The following ZBTB46 variants were observed in gnomAD, a reference collection of about 807,000 sequenced individuals.
ZBTB46 encodes the protein zinc finger and BTB domain-containing protein 46.
In ZBTB46, 8 loss-of-function variants were observed where a neutral mutation model predicts 44.1. That is an observed-to-expected ratio of 0.18 (90% CI 0.11 to 0.33). The LOEUF (loss-of-function observed/expected upper bound fraction) is 0.33. Among genes scored for constraint, ZBTB46 ranks in the 10% least tolerant of loss-of-function variants. The pLI is 1.00. For missense variants in ZBTB46, 651 were observed against 847.7 expected (o/e 0.77, Z 2.88); for synonymous variants, 409 against 382.3 (o/e 1.07, Z -0.81).
At chr20:63,802,319 A>C (rs574746305) in intron 1 of ZBTB46, among the ~76,000 whole-genome samples, 10 of 152,132 alleles carry the variant, frequency 6.6e-5, no homozygotes, top group African/African-American at 2.4e-4. Flanking sequence ...GCTACTCAGG[A>C]GGCTGAGGCA....
intron 2 of ZBTB46, 148 bp downstream of exon 2, chr20:63,789,673 C>T (rs1312281005): frequency 1.6e-5 from 21 of 1,339,246 alleles, no homozygotes; most frequent in African/African-American, 5.9e-5. Flanking sequence ...GCATTCCCAG[C>T]GGTCACGACA....
rs964480657 is a variant in ZBTB46, at chr20:63,791,954, G to T, written c.-33-1164C>A. 9.2e-5 allele frequency among the ~76,000 whole-genome samples: 14 copies of T among 152,252 alleles called. No individual in the cohort carries two copies. In the East Asian group the frequency reaches 2.7e-3, roughly 29 times the overall value. ...TTCTCAAGTCCAGAATCAGGATGTC[G>T]GCCGAGCTGGTGCCTGTTCCAGCCC... On this transcript the variant is annotated intron_variant, in intron 1 of 4. Transcript: ENST00000245663.
At chr20:63,807,271 A>C (rs1168715698) in intron 1 of ZBTB46, among the ~76,000 whole-genome samples, 2 of 152,186 alleles carry the variant, frequency 1.3e-5, no homozygotes, top group Non-Finnish European at 2.9e-5. Flanking sequence ...AACTGTAGTG[A>C]AAGTTTCTGA....
intron 1 of ZBTB46, among the ~76,000 whole-genome samples, chr20:63,814,078 C>CAA (rs11474245): frequency 0.18 from 27,749 of 151,520 alleles, 3,108 homozygotes; most frequent in East Asian, 0.45. Flanking sequence ...ATTAAAAATA[C>CAA]AAAAATTAGC....
chr20:63,772,722 AACACACACAC>A (rs67126549), intron 3 of ZBTB46, among the ~76,000 whole-genome samples: 1 of 20,258 alleles, frequency 4.9e-5, no homozygotes, highest in Non-Finnish European at 9.3e-5. Flanking sequence ...CTGTCTCAAA[AACACACACAC>A]ACACACACAC....
chr20:63,819,290 G>C (rs906463959), intron 1 of ZBTB46, among the ~76,000 whole-genome samples: 2 of 152,138 alleles, frequency 1.3e-5, no homozygotes, highest in Non-Finnish European at 2.9e-5. Context: ...AACATTAAGC[G>C]AACAGAGAGC....
upstream of ZBTB46, among the ~76,000 whole-genome samples, chr20:63,831,924 G>A (rs1428121218): frequency 1.3e-5 from 2 of 151,950 alleles, no homozygotes; most frequent in Non-Finnish European, 2.9e-5. Flanking sequence ...GGGTCTGGAA[G>A]GGCCTGGGCA....
At chr20:63,773,310 C>T (rs1465027091) in intron 3 of ZBTB46, among the ~76,000 whole-genome samples, 2 of 149,894 alleles carry the variant, frequency 1.3e-5, no homozygotes, top group Non-Finnish European at 2.9e-5. Context: ...CTCACTGCAG[C>T]CTCAACCTCC....
At chr20:63,798,685 A>AAAAAAAAAAAAAAAAAAAAAAAAAAC (rs1417351365) in intron 1 of ZBTB46, among the ~76,000 whole-genome samples, 4 of 127,888 alleles carry the variant, frequency 3.1e-5, no homozygotes, top group Non-Finnish European at 3.3e-5. Context: ...AAAAAAAAAA[A>AAAAAAAAAAAAAAAAAAAAAAAAAAC]AAAAAAAATT....
chr20:63,765,910 G>A (rs2092316894), intron 3 of ZBTB46, among the ~76,000 whole-genome samples: 1 of 152,088 alleles, frequency 6.6e-6, no homozygotes, highest in African/African-American at 2.4e-5. Flanking sequence ...TTTTCAAAAA[G>A]TTAACCAAAC....
chr20:63,816,261 G>A (rs752269515), intron 1 of ZBTB46: 3 of 224,238 alleles, frequency 1.3e-5, no homozygotes, highest in Non-Finnish European at 2.8e-5. Context: ...GGAGGCACAA[G>A]CAGCCGCAAC....
upstream of ZBTB46, among the ~76,000 whole-genome samples, chr20:63,831,565 G>GC (rs1400864470): frequency 6.7e-6 from 1 of 148,774 alleles, no homozygotes; most frequent in Admixed American, 6.7e-5. Flanking sequence ...ATTGTGGGAA[G>GC]CCCCCTCCCC....
At chr20:63,820,752 G>A (rs2092787385) in intron 1 of ZBTB46, among the ~76,000 whole-genome samples, 1 of 151,446 alleles carries the variant, frequency 6.6e-6, no homozygotes, top group Non-Finnish European at 1.5e-5. Context: ...TTTTTTAGAT[G>A]GAGCCTCACA....
intron 3 of ZBTB46, among the ~76,000 whole-genome samples, chr20:63,768,932 T>C (rs1235968676): frequency 6.6e-6 from 1 of 152,212 alleles, no homozygotes; most frequent in Non-Finnish European, 1.5e-5. Flanking sequence ...ATGAATTGAA[T>C]GTCTTTACAT....
intron 2 of ZBTB46, among the ~76,000 whole-genome samples, chr20:63,778,275 G>C (rs1041689235): frequency 1.2e-4 from 18 of 152,244 alleles, no homozygotes; most frequent in African/African-American, 4.1e-4. Context: ...ATTCCTCCGA[G>C]TGTCAGCTCA....
intron 1 of ZBTB46, among the ~76,000 whole-genome samples, chr20:63,794,642 G>T (rs1233539660): frequency 6.6e-6 from 1 of 152,162 alleles, no homozygotes; most frequent in Admixed American, 6.5e-5. Context: ...AAATCTGCTC[G>T]TGGGGCCACG....
At chr20:63,771,998 ATTCT>A (rs946313661) in intron 3 of ZBTB46, among the ~76,000 whole-genome samples, 2 of 115,876 alleles carry the variant, frequency 1.7e-5, no homozygotes, top group African/African-American at 6.6e-5. Context: ...AAAAGGGCAA[ATTCT>A]TTTTTTTTTT....
chr20:63,784,280 C>G (rs1442950413), intron 2 of ZBTB46, among the ~76,000 whole-genome samples: 1 of 152,220 alleles, frequency 6.6e-6, no homozygotes, highest in Non-Finnish European at 1.5e-5. Context: ...GAAGACCACC[C>G]TACCCTGAGA....
chr20:63,767,602 G>A lies in ZBTB46; in HGVS notation c.1222+8076C>T, dbSNP rs1345044717. 2.6e-5 allele frequency among the ~76,000 whole-genome samples: 4 copies of A among 152,208 alleles called. No homozygotes were observed. Among genetic ancestry groups the A allele is most frequent in the East Asian group, 1.9e-4 (1 of 5,204 alleles). ...GGACCCGGACGCCAAAGCTCTGGCC[G>A]CAGCACTGAGGTCAAAGCAAACGCC... is the stretch of plus-strand genomic sequence containing the variant. On this transcript the variant is annotated intron_variant, in intron 3 of 4. Transcript: ENST00000245663. This position sits in a 1 kb window ranked among gnomAD's most constrained non-coding sequence, Gnocchi z 5.0.
Sources: gnomAD v4.1 joint callset for allele counts (sites outside exome capture counted in the v4.1 genomes callset) on GRCh38, gnomAD v4.1.1 for gene constraint, Gnocchi (gnomAD v3.1) non-coding constraint, MANE v1.5 for transcripts, NCBI Gene and HGNC (gene_info 2026-07-23, HGNC 2026-07-21) for gene names.